PRKX: variants seen among roughly 807,000 people sequenced by gnomAD.
The protein encoded by PRKX is protein kinase cAMP-dependent X-linked catalytic subunit.
PRKX carries 12 observed loss-of-function variants against 22.0 expected under a neutral mutation model. The ratio of observed to expected loss-of-function variants is 0.54; its 90% CI spans 0.35 to 0.88. The LOEUF (loss-of-function observed/expected upper bound fraction) is 0.88. Ranked by LOEUF, PRKX falls within the 40% of genes least tolerant of loss-of-function variation. The pLI, the probability that PRKX is intolerant of heterozygous loss-of-function variation, is 0.01. For missense variants in PRKX, 217 were observed against 308.0 expected (o/e 0.70, Z 2.21); for synonymous variants, 134 against 137.7 (o/e 0.97, Z 0.19).
At chrX:3,640,205 A>C (rs1353268183) in intron 4 of PRKX, among the ~76,000 whole-genome samples, 1 of 108,962 alleles carries the variant, frequency 9.2e-6, no homozygotes, top group Non-Finnish European at 1.9e-5. Flanking sequence ...AAAAGAGAGA[A>C]CCTAGGAGGC....
chrX:3,644,221 G>C (rs1927140642), intron 3 of PRKX, among the ~76,000 whole-genome samples: 1 of 68,176 alleles, frequency 1.5e-5, no homozygotes, highest in Non-Finnish European at 2.6e-5. Context: ...AACACAGCAA[G>C]ACCACTCCTT....
chrX:3,634,573 C>T (rs895540886), intron 4 of PRKX, among the ~76,000 whole-genome samples: 10 of 111,674 alleles, frequency 9.0e-5, no homozygotes, highest in South Asian at 3.8e-4. Context: ...AACTAAACAA[C>T]GTGCCACGCA....
chrX:3,685,115 C>A (rs1359945306), intron 1 of PRKX, among the ~76,000 whole-genome samples: 3 of 111,619 alleles, frequency 2.7e-5, no homozygotes, highest in African/African-American at 9.8e-5. Flanking sequence ...CAACGCCTGG[C>A]CTAAAATAAT....
chrX:3,683,642 G>A (rs1229915905), intron 1 of PRKX, among the ~76,000 whole-genome samples: 1 of 111,501 alleles, frequency 9.0e-6, no homozygotes, highest in Admixed American at 9.6e-5. Flanking sequence ...TTCAAGACCT[G>A]CCTGGGCAAC....
chrX:3,626,005 C>T (rs1340339140), intron 5 of PRKX, among the ~76,000 whole-genome samples: 1 of 112,030 alleles, frequency 8.9e-6, no homozygotes, highest in African/African-American at 3.2e-5. Flanking sequence ...AAAATGTTGA[C>T]GTTAAAAAGG....
chrX:3,707,164 G>C (rs1320431227), intron 1 of PRKX, among the ~76,000 whole-genome samples: 1 of 111,413 alleles, frequency 9.0e-6, no homozygotes, highest in Non-Finnish European at 1.9e-5. Context: ...CACTAATGTT[G>C]TCATGGTGGA....
intron 1 of PRKX, among the ~76,000 whole-genome samples, chrX:3,706,173 C>T (rs1928682217): frequency 9.1e-6 from 1 of 110,323 alleles, no homozygotes; most frequent in African/African-American, 3.3e-5. Flanking sequence ...GCACTGTGTA[C>T]TCATCTCCCT....
At chrX:3,627,343 T>C (rs1443479449) in intron 4 of PRKX, among the ~76,000 whole-genome samples, 2 of 102,931 alleles carry the variant, frequency 1.9e-5, no homozygotes, top group African/African-American at 3.6e-5. Flanking sequence ...GATCGTGCCA[T>C]TGCACTTCAG....
In PRKX at chrX:3,613,150, C is replaced by CAA. The variant is rs528688936; in HGVS notation, c.952-827_952-826dup. Among the ~76,000 whole-genome samples, 63 of 54,313 alleles carry CAA rather than the reference C, an allele frequency of 1.2e-3. 9 individuals are homozygous for CAA. The highest frequency in any genetic ancestry group is 2.4e-3 in the East Asian group (3 of 1,243). The allele number at this position is 54,313 out of a possible 115,157, so 47.2% of individuals were successfully genotyped here. On this transcript the variant is annotated intron_variant, in intron 7 of 8. Coordinates refer to ENST00000262848, the MANE Select transcript of PRKX (RefSeq NM_005044.5). ...TGGGCAACGGAGCAAGACTTCGTCT[C>CAA]AAAAAAAAAAAAAAAAAAAAAAAAA...
rs1048083652 is a variant in PRKX, at chrX:3,607,592, C to G, written c.*1377G>C. ...CTGCTGAACCTACTAATTATTCTCA[C>G]CTACTGAGTTGACCTCCACGTGAAG... On this transcript the variant is annotated 3_prime_UTR_variant, in exon 9 of 9. Transcript: ENST00000262848. 9.0e-6 allele frequency: 1 copy of G among 111,339 alleles called. No homozygotes were observed. Among genetic ancestry groups the G allele is most frequent in the African/African-American group, 3.3e-5 (1 of 30,234 alleles). The allele number at this position is 111,339 out of a possible 1,213,427, so 9.2% of individuals were successfully genotyped here. A position where few individuals can be genotyped will look rare whatever the true frequency, so the allele number is the denominator to read the frequency against.
At chrX:3,690,369 TAA>T (rs771845051) in intron 1 of PRKX, among the ~76,000 whole-genome samples, 6 of 112,268 alleles carry the variant, frequency 5.3e-5, no homozygotes, top group African/African-American at 1.9e-4. Flanking sequence ...TGTCCTAATT[TAA>T]AAGATGCAGA....
At chrX:3,706,923 G>A (rs1438800749) in intron 1 of PRKX, among the ~76,000 whole-genome samples, 1 of 111,722 alleles carries the variant, frequency 9.0e-6, no homozygotes, top group East Asian at 2.8e-4. Context: ...CCAGGAGCTC[G>A]AGACCAGCCT....
intron 4 of PRKX, among the ~76,000 whole-genome samples, chrX:3,639,028 G>A (rs1194286891): frequency 1.3e-5 from 1 of 74,555 alleles, no homozygotes; most frequent in East Asian, 4.6e-4. Flanking sequence ...TTAGATGATA[G>A]ATAAGGATAA....
intron 1 of PRKX, among the ~76,000 whole-genome samples, chrX:3,705,468 C>G (rs1427266411): frequency 1.8e-5 from 2 of 110,888 alleles, no homozygotes; most frequent in Non-Finnish European, 3.8e-5. Context: ...CTGGACCCAC[C>G]ACAGTAGAGG....
intron 1 of PRKX, among the ~76,000 whole-genome samples, chrX:3,694,505 T>C (rs12011169): frequency 0.44 from 47,788 of 109,320 alleles, 8,291 homozygotes; most frequent in African/African-American, 0.63. Context: ...TGGAGTGATA[T>C]AGCCACAAGC....
chrX:3,635,310 C>A (rs916917176), intron 4 of PRKX, among the ~76,000 whole-genome samples: 1 of 111,332 alleles, frequency 9.0e-6, no homozygotes, highest in African/African-American at 3.3e-5. Context: ...CAGCCAAATT[C>A]CACCTTCTCT....
chrX:3,661,023 C>T (rs1391044685), intron 2 of PRKX, among the ~76,000 whole-genome samples: 1 of 110,183 alleles, frequency 9.1e-6, no homozygotes, highest in Non-Finnish European at 1.9e-5. Context: ...CCACAAGTGT[C>T]TCAGTAAAAT....
At position 3,655,204 on chromosome X, in the gene PRKX, T is replaced by C; in HGVS notation, c.544A>G (p.Arg182Gly). 1 of 1,212,062 alleles carries C rather than the reference T, an allele frequency of 8.3e-7. No homozygotes were observed. Among genetic ancestry groups the C allele is most frequent in the African/African-American group, 1.7e-5 (1 of 57,870 alleles). ...DLKPENILLD[R>G]DGHIKLTDFG... ...TCCGTGAGCTTAATGTGGCCATCCCTATCCAGCAGGATGTTCTCTGGCTTC... is the reference window on the plus strand; with the variant it reads ...TCCGTGAGCTTAATGTGGCCATCCCCATCCAGCAGGATGTTCTCTGGCTTC... The change falls in exon 3 of 9, where the codon AGG (arginine) becomes GGG (glycine). Residue 182 changes from arginine to glycine, a missense_variant. Coordinates refer to ENST00000262848, the MANE Select transcript of PRKX (RefSeq NM_005044.5).
At position 3,604,415 on chromosome X, in the gene PRKX, GTAT is replaced by G. The variant is rs1203952354; in HGVS notation, c.*4551_*4553del. 8.8e-6 allele frequency: 1 copy of G among 113,050 alleles called. No individual in the cohort carries two copies. 9.3% of individuals were successfully genotyped at this position (113,050 alleles called of 1,213,427 possible). ...TTATTAAACAAACCTGGAATCAACA[GTAT>G]TATTACATAAATTAGACAGCAGTAA... On this transcript the variant is annotated 3_prime_UTR_variant, in exon 9 of 9. Coordinates refer to ENST00000262848, the MANE Select transcript of PRKX (RefSeq NM_005044.5).
Sources: gnomAD v4.1 joint callset for allele counts (sites outside exome capture counted in the v4.1 genomes callset) on GRCh38, gnomAD v4.1.1 for gene constraint, MANE v1.5 for transcripts, NCBI Gene and HGNC (gene_info 2026-07-23, HGNC 2026-07-21) for gene names.